CRB1: variants seen among roughly 807,000 people sequenced by gnomAD.
CRB1 encodes protein crumbs homolog 1.
Under a neutral mutation model 120.0 loss-of-function variants are expected in CRB1, and 83 were observed. The ratio of observed to expected loss-of-function variants is 0.69; its 90% confidence interval spans 0.58 to 0.83. The LOEUF (loss-of-function observed/expected upper bound fraction) is 0.83. Among genes scored for constraint, CRB1 ranks in the 40% least tolerant of loss-of-function variants. The pLI, the probability that CRB1 is intolerant of heterozygous loss-of-function variation, is 0.00. For missense variants in CRB1, 1,699 were observed against 1,687.6 expected (o/e 1.01, Z -0.12); for synonymous variants, 625 against 612.5 (o/e 1.02, Z -0.30).
the CRB1 span, among the ~76,000 whole-genome samples, chr1:197,244,517 G>C: frequency 6.6e-6 from 1 of 151,972 alleles, no homozygotes; most frequent in Non-Finnish European, 1.5e-5. Context: ...TTTCTGATGA[G>C]AAATTCTCTG....
chr1:197,339,123 T>C (rs1416857187), intron 2 of CRB1, among the ~76,000 whole-genome samples: 1 of 152,250 alleles, frequency 6.6e-6, no homozygotes, highest in African/African-American at 2.4e-5. Flanking sequence ...AAGCCAGAAA[T>C]CTCATTGGCT....
intron 11 of CRB1, among the ~76,000 whole-genome samples, chr1:197,452,981 C>A (rs1666043008): frequency 6.6e-6 from 1 of 151,942 alleles, no homozygotes; most frequent in South Asian, 2.1e-4. Flanking sequence ...TGGAAACAGG[C>A]TACATGTTCA....
At chr1:197,297,937 G>C (rs910587059) in intron 1 of CRB1, among the ~76,000 whole-genome samples, 1 of 152,066 alleles carries the variant, frequency 6.6e-6, no homozygotes, top group South Asian at 2.1e-4. Flanking sequence ...TAGGTTCATG[G>C]GGTGGTGAGG....
At chr1:197,454,167 A>G (rs1277260090) in intron 11 of CRB1, among the ~76,000 whole-genome samples, 2 of 151,422 alleles carry the variant, frequency 1.3e-5, no homozygotes, top group Non-Finnish European at 2.9e-5. Flanking sequence ...GTTTTAAAGA[A>G]CAGCTGTACA....
chr1:197,300,004 AT>A (rs1364461680), intron 1 of CRB1, among the ~76,000 whole-genome samples: 1 of 151,734 alleles, frequency 6.6e-6, no homozygotes, highest in Non-Finnish European at 1.5e-5. Context: ...TCCTATTGTA[AT>A]TGTTTTTGGG....
chr1:197,252,580 A>ATGTGTGTGTGTGTGTGTG, the CRB1 span, among the ~76,000 whole-genome samples: 1 of 22,318 alleles, frequency 4.5e-5, no homozygotes, highest in Non-Finnish European at 1.0e-4. Flanking sequence ...ATATATATAT[A>ATGTGTGTGTGTGTGTGTG]TATGTGTGTG....
intron 5 of CRB1, among the ~76,000 whole-genome samples, chr1:197,414,190 C>G (rs544385380): frequency 6.6e-6 from 1 of 151,956 alleles, no homozygotes; most frequent in Non-Finnish European, 1.5e-5. Flanking sequence ...ACTTTGATTT[C>G]TATTTATTAA....
chr1:197,436,402 G>C (rs1381814240), intron 9 of CRB1, among the ~76,000 whole-genome samples: 1 of 151,594 alleles, frequency 6.6e-6, no homozygotes, highest in Non-Finnish European at 1.5e-5. Flanking sequence ...TGGTGGCAGA[G>C]GTGAAAGAAC....
the CRB1 span, among the ~76,000 whole-genome samples, chr1:197,213,358 C>G: frequency 6.6e-6 from 1 of 152,130 alleles, no homozygotes; most frequent in South Asian, 2.1e-4. Flanking sequence ...AAAAGATATC[C>G]TGGCATTTGG....
intron 11 of CRB1, among the ~76,000 whole-genome samples, chr1:197,465,480 C>T (rs1031717256): frequency 2.6e-5 from 4 of 151,978 alleles, no homozygotes. Context: ...ACCTTTAGTT[C>T]TAAAACTAAA....
chr1:197,225,626 G>C, the CRB1 span, among the ~76,000 whole-genome samples: 1 of 152,202 alleles, frequency 6.6e-6, no homozygotes, highest in Non-Finnish European at 1.5e-5. Context: ...GCGGAGGTCT[G>C]TGATCTTGCT....
intron 1 of CRB1, among the ~76,000 whole-genome samples, chr1:197,307,287 T>C (rs890854867): frequency 2.6e-5 from 4 of 152,178 alleles, no homozygotes; most frequent in African/African-American, 7.2e-5. Context: ...TCCCCAGTCA[T>C]TGGTTTTTAC....
At chr1:197,256,026 A>G in the CRB1 span, among the ~76,000 whole-genome samples, 1 of 140,868 alleles carries the variant, frequency 7.1e-6, no homozygotes, top group Non-Finnish European at 1.6e-5. Flanking sequence ...ATATGTATGT[A>G]TATACACATA....
At chr1:197,436,030 C>T (rs2125502009) in intron 9 of CRB1, among the ~76,000 whole-genome samples, 1 of 152,128 alleles carries the variant, frequency 6.6e-6, no homozygotes, top group South Asian at 2.1e-4. Flanking sequence ...CTCTAAAATC[C>T]CGAAAACAGT....
intron 11 of CRB1, among the ~76,000 whole-genome samples, chr1:197,473,468 TGAG>T (rs1331545933): frequency 2.6e-5 from 4 of 152,198 alleles, no homozygotes; most frequent in African/African-American, 9.7e-5. Context: ...AAATTCTCTT[TGAG>T]GAGAACAAAT....
chr1:197,344,135 A>C (rs1005119351), intron 2 of CRB1, 146 bp from the exon 3 acceptor site: 63 of 820,992 alleles, frequency 7.7e-5, no homozygotes, highest in Non-Finnish European at 1.3e-4. Context: ...CCAAAAGTTA[A>C]TATCAATTAC....
intron 11 of CRB1, among the ~76,000 whole-genome samples, chr1:197,445,038 G>A (rs1444274013): frequency 2.6e-5 from 4 of 151,984 alleles, no homozygotes; most frequent in African/African-American, 9.7e-5. Flanking sequence ...ATGTACTCTG[G>A]CAAGTAATCC....
intron 5 of CRB1, among the ~76,000 whole-genome samples, chr1:197,405,793 C>T (rs1361185686): frequency 6.6e-6 from 1 of 151,774 alleles, no homozygotes; most frequent in Non-Finnish European, 1.5e-5. Context: ...AGGAGCCCCT[C>T]CGCCCGGTAG....
intron 6 of CRB1, among the ~76,000 whole-genome samples, chr1:197,427,051 T>C (rs1428288359): frequency 2.0e-5 from 3 of 152,202 alleles, no homozygotes; most frequent in East Asian, 1.9e-4. Context: ...GAGGGTTGCA[T>C]GAAGTGCCCT....
Sources: allele counts gnomAD v4.1 joint callset (sites outside exome capture counted in the v4.1 genomes callset), GRCh38; gene constraint gnomAD v4.1.1; transcripts MANE v1.5; gene names NCBI Gene and HGNC (gene_info 2026-07-23, HGNC 2026-07-21).